ABCC10: variants seen among roughly 807,000 people sequenced by gnomAD.
ABCC10 encodes the protein ATP-binding cassette sub-family C member 10.
ABCC10 carries 110 observed loss-of-function variants against 143.2 expected under a neutral mutation model. That is an observed-to-expected ratio of 0.77 (90% confidence interval 0.66 to 0.90). The LOEUF is 0.90. Among genes scored for constraint, ABCC10 ranks in the 40% least tolerant of loss-of-function variants. The pLI, the probability that ABCC10 is intolerant of heterozygous loss-of-function variation, is 0.00. For synonymous variants in ABCC10, 805 were observed against 846.7 expected (o/e 0.95, Z 0.85); for missense variants, 1,700 against 1,900.5 (o/e 0.89, Z 1.96).
At chr6:43,451,191 A>G (rs760025150), downstream of ABCC10, 14 of 1,614,088 alleles carry the variant, frequency 8.7e-6, no homozygotes, top group East Asian at 2.5e-4. The surrounding 1 kb of genome is among the most constrained non-coding windows in gnomAD (Gnocchi z 4.4). Flanking sequence ...GCGGGCACCC[A>G]CAAAGCCCAC....
At position 43,432,290 on chromosome 6, in the gene ABCC10, G is replaced by A; in HGVS notation, c.310G>A (p.Ala104Thr). 1 of 1,614,218 alleles carries A rather than the reference G, an allele frequency of 6.2e-7. No homozygotes were observed. Among genetic ancestry groups the A allele is most frequent in the Non-Finnish European group, 8.5e-7 (1 of 1,180,038 alleles). ...GPGPIGLEVL[A>T]GCVAAVAWIS... ...AGGACCCATAGGGCTAGAGGTGTTGGCAGGGTGCGTGGCAGCTGTGGCCTG... is the reference window on the plus strand; with the variant it reads ...AGGACCCATAGGGCTAGAGGTGTTGACAGGGTGCGTGGCAGCTGTGGCCTG... The change falls in exon 3 of 22, where the codon GCA becomes ACA. Residue 104 changes from alanine to threonine, a missense_variant. Ala to Thr is a moderately conservative substitution (Grantham distance 58). Coordinates refer to ENST00000372530, the MANE Select transcript of ABCC10 (RefSeq NM_001198934.2).
At position 43,441,252 on chromosome 6, in the gene ABCC10, T is replaced by C. The variant is rs1006332396; in HGVS notation, c.2128-610T>C. Reference sequence around the variant, plus strand: ...CAGCACTTTGGGAGGCCAAGGTGGGTGGATCACAAGGTCAGGAGATCGAGA... The same window carrying C: ...CAGCACTTTGGGAGGCCAAGGTGGGCGGATCACAAGGTCAGGAGATCGAGA... On this transcript the variant is annotated intron_variant, in intron 8 of 21. Transcript: ENST00000372530. Among the ~76,000 whole-genome samples the C allele has an allele frequency of 2.0e-5, 3 of 151,806 alleles. No individual in the cohort carries two copies. In the East Asian group the frequency reaches 5.8e-4, roughly 29 times the overall value.
chr6:43,435,465 G>A lies in ABCC10; in HGVS notation c.1609-286G>A, dbSNP rs1030930839. ...GGAGAATCACTTGAACCCTGGAGGT[G>A]GAAGTTGCAGTGAGCCGAGATTATG... On this transcript the variant is annotated intron_variant, in intron 4 of 21. Coordinates refer to ENST00000372530, the MANE Select transcript of ABCC10 (RefSeq NM_001198934.2). Among the ~76,000 whole-genome samples the A allele has an allele frequency of 3.9e-5, 6 of 152,176 alleles. No individual in the cohort carries two copies. The East Asian group carries it at 1.2e-3, about 29-fold the overall frequency.
At position 43,444,140 on chromosome 6, in the gene ABCC10, T is replaced by C. The variant is rs888057072; in HGVS notation, c.2495-19T>C. 6 of 1,611,320 alleles carry C rather than the reference T, an allele frequency of 3.7e-6. No homozygotes were observed. The African/African-American group carries it at 6.7e-5, about 18-fold the overall frequency. Reference sequence around the variant, plus strand: ...GCACCCTGCAAGCTTAATTCTTCCATGACCCCTGATTCTCACAGCCACAGC... The same window carrying C: ...GCACCCTGCAAGCTTAATTCTTCCACGACCCCTGATTCTCACAGCCACAGC... On this transcript the variant is annotated intron_variant, in intron 11 of 21. Transcript: ENST00000372530.
Position 43,443,605 on chromosome 6 carries a change from G to A in ABCC10, c.2417-328G>A, listed in dbSNP as rs749075919. The A allele has an allele frequency of 2.9e-5, 9 of 307,644 alleles. No homozygotes were observed. Among genetic ancestry groups the A allele is most frequent in the Middle Eastern group, 9.5e-4 (1 of 1,054 alleles). 19.1% of individuals were successfully genotyped at this position (307,644 alleles called of 1,614,324 possible). On this transcript the variant is annotated intron_variant, in intron 10 of 21. Transcript: ENST00000372530. This position sits in a 1 kb window ranked among gnomAD's most constrained non-coding sequence, Gnocchi z 4.2. ...GGAATTGAGCGAAGCATGAGAAAAA[G>A]CTCTGCAGTAATGAGAAGTAACCCT...
intron 4 of ABCC10, 90 bp from the exon 5 acceptor site, chr6:43,435,661 C>A: frequency 6.9e-7 from 1 of 1,453,184 alleles, no homozygotes; most frequent in South Asian, 1.4e-5. Context: ...TTGCCCAGTT[C>A]TTCCCTCCGT....
At chr6:43,442,856 C>A in intron 9 of ABCC10, 114 bp from the exon 10 acceptor site, 1 of 943,106 alleles carries the variant, frequency 1.1e-6, no homozygotes, top group Non-Finnish European at 1.5e-6. Context: ...TCCTTCTCTG[C>A]TAGTGTAGGG....
chr6:43,433,402 AC>A (rs753195209), intron 3 of ABCC10, 42 bp downstream of exon 3: 2 of 1,552,852 alleles, frequency 1.3e-6, no homozygotes, highest in East Asian at 4.6e-5. Context: ...TGGAGACCCC[AC>A]CCAGCCCAGG....
At chr6:43,436,335 T>C (rs1365069054) in intron 6 of ABCC10, 88 bp downstream of exon 6, 3 of 1,470,130 alleles carry the variant, frequency 2.0e-6, no homozygotes, top group East Asian at 2.3e-5. Context: ...GAGCCAATCA[T>C]AGCTGATGGC....
rs746938111 is a variant in ABCC10 at position 43,444,756 on chromosome 6, C to T, written c.2690-32C>T. 7 of 1,554,740 alleles carry T rather than the reference C, an allele frequency of 4.5e-6. No individual in the cohort carries two copies. The African/African-American group carries it at 8.3e-5, about 18-fold the overall frequency. Reference sequence around the variant, plus strand: ...TAGAATGAACAAGGGAGAGGAGCCTCTTACAGCTTTTTCCTTCCTGTCCCC... The same window carrying T: ...TAGAATGAACAAGGGAGAGGAGCCTTTTACAGCTTTTTCCTTCCTGTCCCC... On this transcript the variant is annotated intron_variant, in intron 12 of 21. Transcript: ENST00000372530.
chr6:43,432,611 C>G lies in ABCC10; in HGVS notation c.631C>G (p.Pro211Ala), dbSNP rs370753682. 3.1e-6 allele frequency: 5 copies of G among 1,613,786 alleles called. No individual in the cohort carries two copies. The highest frequency in any genetic ancestry group is 1.3e-5 in the African/African-American group (1 of 74,942). ...QEPLLPEDQE[P>A]EVAEDGESWL... Reference sequence around the variant, plus strand: ...GCCCCTCCTGCCCGAGGATCAAGAACCTGAGGTGGCTGAAGATGGGGAGAG... The same window carrying G: ...GCCCCTCCTGCCCGAGGATCAAGAAGCTGAGGTGGCTGAAGATGGGGAGAG... The change falls in exon 3 of 22, where the codon CCT becomes GCT. Residue 211 changes from proline to alanine, a missense_variant. Coordinates refer to ENST00000372530, the MANE Select transcript of ABCC10 (RefSeq NM_001198934.2).
intron 4 of ABCC10, 86 bp from the exon 5 acceptor site, chr6:43,435,665 C>T (rs1420886798): frequency 2.0e-6 from 3 of 1,469,814 alleles, no homozygotes; most frequent in South Asian, 2.8e-5. Context: ...CCAGTTCTTC[C>T]CTCCGTAGAC....
At position 43,442,907 on chromosome 6, in the gene ABCC10, T is replaced by C. The variant is rs1179453128; in HGVS notation, c.2227-63T>C. 5.6e-6 allele frequency: 8 copies of C among 1,420,502 alleles called. No individual in the cohort carries two copies. The Admixed American group carries it at 1.9e-4, about 33-fold the overall frequency. The allele number at this position is 1,420,502 out of a possible 1,614,324, so 88.0% of individuals were successfully genotyped here. A position where few individuals can be genotyped will look rare whatever the true frequency, so the allele number is the denominator to read the frequency against. The stretch of plus-strand genomic sequence containing the variant: ...TCTCTCAACTGTCTTCTCTGATCAC[T>C]TTGAGATCTTCTCCGGAGAGCCTTT... On this transcript the variant is annotated intron_variant, in intron 9 of 21. Transcript: ENST00000372530.
chr6:43,429,658 A>C (rs1780923063), intron 2 of ABCC10, among the ~76,000 whole-genome samples: 1 of 152,146 alleles, frequency 6.6e-6, no homozygotes, highest in Non-Finnish European at 1.5e-5. Context: ...TAATGCCAGC[A>C]CTGTAGGAGG....
intron 16 of ABCC10, chr6:43,446,814 G>A: frequency 1.7e-6 from 2 of 1,157,544 alleles, no homozygotes; most frequent in Non-Finnish European, 2.1e-6. Context: ...TCCTGGCTAG[G>A]TCCTATCACC....
intron 3 of ABCC10, 132 bp from the exon 4 acceptor site, chr6:43,434,489 G>A: frequency 2.4e-6 from 2 of 822,444 alleles, no homozygotes; most frequent in Non-Finnish European, 3.9e-6. Flanking sequence ...AGAAAACCAA[G>A]ACTAGGGCAG....
rs1783000033 is a variant in ABCC10 at position 43,445,827 on chromosome 6, G to A, written c.3259G>A (p.Ala1087Thr). Residue 1087 changes from alanine to threonine, a missense_variant, in exon 15 of 22, where the codon GCC becomes ACC. Physicochemically the swap from Ala to Thr is moderately conservative, Grantham distance 58. Transcript: ENST00000372530. ...CTATCACGTGCAGCGCCACTACAGG[G>A]CCTCCTCACGGGAGCTGCGGCGCCT... ...MYYHVQRHYR[A>T]SSRELRRLGS... 2.5e-6 allele frequency: 4 copies of A among 1,614,002 alleles called. No homozygotes were observed. In the African/African-American group the frequency reaches 4.0e-5, roughly 16 times the overall value.
In ABCC10 at chr6:43,449,490, C is replaced by T; in HGVS notation, c.4272C>T (p.Ile1424=). 6.2e-7 allele frequency: 1 copy of T among 1,614,096 alleles called. No homozygotes were observed. The highest frequency in any genetic ancestry group is 8.5e-7 in the Non-Finnish European group (1 of 1,179,962). Residue 1424 remains isoleucine, a synonymous_variant, in exon 21 of 22, where the codon ATC becomes ATT. Coordinates refer to ENST00000372530, the MANE Select transcript of ABCC10 (RefSeq NM_001198934.2). ...CAGACCAGCTGCTCCAGCAGACCAT[C>T]TGCAAACGCTTTGCCAACAAGACAG... is the stretch of plus-strand genomic sequence containing the variant. ...QKTDQLLQQT[I]CKRFANKTVL...
At chr6:43,435,932 C>G (rs200341759) in intron 5 of ABCC10, 25 bp downstream of exon 5, 4 of 1,613,394 alleles carry the variant, frequency 2.5e-6, no homozygotes, top group Admixed American at 1.7e-5. Flanking sequence ...GTGGGCAGAA[C>G]CTGGCACAGG....
Sources: gnomAD v4.1 joint callset for allele counts (sites outside exome capture counted in the v4.1 genomes callset) on GRCh38, gnomAD v4.1.1 for gene constraint, Gnocchi (gnomAD v3.1) non-coding constraint, MANE v1.5 for transcripts, NCBI Gene and HGNC (gene_info 2026-07-23, HGNC 2026-07-21) for gene names.